The following PTPRM variants were observed in gnomAD, a reference collection of about 807,000 sequenced individuals.
PTPRM encodes receptor-type tyrosine-protein phosphatase mu.
Under a neutral mutation model 186.7 loss-of-function variants are expected in PTPRM, and 47 were observed. The ratio of observed to expected loss-of-function variants is 0.25; its 90% confidence interval spans 0.20 to 0.32. The LOEUF (loss-of-function observed/expected upper bound fraction) is 0.32, where lower values mean the gene tolerates loss of function less well. PTPRM is among the 10% of genes least tolerant of loss of function. PTPRM has a pLI of 1.00. For missense variants in PTPRM, 1,494 were observed against 1,865.0 expected (o/e 0.80, Z 3.66); for synonymous variants, 668 against 674.9 (o/e 0.99, Z 0.16).
At position 8,112,567 on chromosome 18, in the gene PTPRM, G is replaced by A. The variant is rs148861346; in HGVS notation, c.1857-919G>A. On this transcript the variant is annotated intron_variant, in intron 11 of 32. Coordinates refer to ENST00000580170, the MANE Select transcript of PTPRM (RefSeq NM_001105244.2). ...AATCTGGACTCAGTTCAGGGAAGCT[G>A]TTGTCAGGCTTTAGTTTTTCTCAGC... is the stretch of plus-strand genomic sequence containing the variant. Among the ~76,000 whole-genome samples, 555 of 152,322 alleles carry A rather than the reference G, an allele frequency of 3.6e-3. 3 individuals carry two copies. Among genetic ancestry groups the A allele is most frequent in the African/African-American group, 0.012 (514 of 41,576 alleles).
Position 7,966,694 on chromosome 18 carries a change from C to A in PTPRM, c.1132+11280C>A, listed in dbSNP as rs576188559. Among the ~76,000 whole-genome samples, 198 of 147,504 alleles carry A rather than the reference C, an allele frequency of 1.3e-3. 1 individual carries two copies. Among genetic ancestry groups the A allele is most frequent in the African/African-American group, 4.7e-3 (191 of 40,752 alleles). On this transcript the variant is annotated intron_variant, in intron 7 of 32. Coordinates refer to ENST00000580170, the MANE Select transcript of PTPRM (RefSeq NM_001105244.2). ...CTTTCCGAGTCAAAGAAAGGGGTGA[C>A]GGGCGCACCTGGAAAATCGGGTCAC...
At chr18:7,783,277 C>A (rs1399134978) in intron 2 of PTPRM, among the ~76,000 whole-genome samples, 2 of 152,144 alleles carry the variant, frequency 1.3e-5, no homozygotes, top group East Asian at 3.9e-4. Context: ...GCTCTCACAG[C>A]CTGTGTGTTC....
chr18:7,880,766 A>C (rs2048466236), intron 2 of PTPRM, among the ~76,000 whole-genome samples: 1 of 152,142 alleles, frequency 6.6e-6, no homozygotes, highest in African/African-American at 2.4e-5. Flanking sequence ...CTGTGTCAGT[A>C]CTGACTGAGG....
At chr18:8,021,541 C>G (rs1017165332) in intron 7 of PTPRM, among the ~76,000 whole-genome samples, 39 of 151,984 alleles carry the variant, frequency 2.6e-4, no homozygotes, top group African/African-American at 8.9e-4. Flanking sequence ...CTCGAAAGGC[C>G]CTGGTGTGTG....
At chr18:7,856,900 CTGACTTATAAA>C (rs1384189592) in intron 2 of PTPRM, among the ~76,000 whole-genome samples, 3 of 152,190 alleles carry the variant, frequency 2.0e-5, no homozygotes, top group Non-Finnish European at 2.9e-5. Context: ...TCAAAAACAT[CTGACTTATAAA>C]TGACTCACAG....
intron 2 of PTPRM, among the ~76,000 whole-genome samples, chr18:7,868,589 C>T (rs573415957): frequency 2.5e-4 from 38 of 152,292 alleles, no homozygotes; most frequent in Middle Eastern, 3.4e-3. Flanking sequence ...CAGAGGGGCA[C>T]CTACCAGATA....
Position 8,384,682 on chromosome 18 carries a change from C to A in PTPRM, c.4040C>A (p.Ala1347Asp). 1.2e-6 allele frequency: 2 copies of A among 1,614,072 alleles called. No homozygotes were observed. Among genetic ancestry groups the A allele is most frequent in the Non-Finnish European group, 1.7e-6 (2 of 1,180,002 alleles). The part of the protein sequence containing the change: ...ISRIFRIYNA[A>D]RPQDGYRMVQ... ...AGGATATTCCGCATTTACAATGCCG[C>A]CAGAGTAAGAGACGGGCCTGTCATG... is the stretch of plus-strand genomic sequence containing the variant. The change falls in exon 30 of 33, where the codon GCC becomes GAC. Residue 1347 changes from alanine (A) to aspartate (D), a missense_variant. Physicochemically the swap from Ala to Asp is moderately radical, Grantham distance 126. Coordinates refer to ENST00000580170, the MANE Select transcript of PTPRM (RefSeq NM_001105244.2).
intron 19 of PTPRM, among the ~76,000 whole-genome samples, chr18:8,257,695 C>G (rs2094587225): frequency 6.6e-6 from 1 of 152,210 alleles, no homozygotes; most frequent in Non-Finnish European, 1.5e-5. Flanking sequence ...CTGGTTGTTG[C>G]TGTGACTCTG....
chr18:7,813,962 C>A (rs1335101109), intron 2 of PTPRM, among the ~76,000 whole-genome samples: 1 of 151,902 alleles, frequency 6.6e-6, no homozygotes, highest in Non-Finnish European at 1.5e-5. Flanking sequence ...ATTTTCAGAC[C>A]CCTTTTAAAA....
chr18:7,985,064 ATTG>A (rs2082837724), intron 7 of PTPRM, among the ~76,000 whole-genome samples: 1 of 123,922 alleles, frequency 8.1e-6, no homozygotes, highest in South Asian at 2.4e-4. Flanking sequence ...TATACATATA[ATTG>A]TATATACATA....
chr18:7,768,118 C>T (rs1464438946), intron 1 of PTPRM, among the ~76,000 whole-genome samples: 1 of 152,172 alleles, frequency 6.6e-6, no homozygotes, highest in African/African-American at 2.4e-5. Flanking sequence ...AGCAGATTTT[C>T]TACTCTGCCT....
intron 4 of PTPRM, among the ~76,000 whole-genome samples, chr18:7,925,637 G>A (rs972549799): frequency 5.3e-5 from 8 of 152,096 alleles, no homozygotes; most frequent in African/African-American, 1.9e-4. Flanking sequence ...AGATTTATCT[G>A]TCTCTCCCAG....
chr18:8,404,695 G>A (rs1351623629), intron 32 of PTPRM: 1 of 152,242 alleles, frequency 6.6e-6, no homozygotes, highest in Non-Finnish European at 1.5e-5. Flanking sequence ...GTGATGGGTA[G>A]AGACAGTGGT....
chr18:8,155,798 TC>T (rs1009786603), intron 14 of PTPRM, among the ~76,000 whole-genome samples: 109 of 152,350 alleles, frequency 7.2e-4, no homozygotes, highest in African/African-American at 2.6e-3. Context: ...TGAGGTAGTT[TC>T]TTTCCACTGT....
intron 31 of PTPRM, among the ~76,000 whole-genome samples, chr18:8,392,855 A>G (rs769849730): frequency 2.6e-5 from 4 of 152,226 alleles, no homozygotes; most frequent in Non-Finnish European, 4.4e-5. Context: ...ATTTTAGCTG[A>G]TAGAATAAAA....
intron 2 of PTPRM, among the ~76,000 whole-genome samples, chr18:7,837,309 T>C (rs1195466739): frequency 6.6e-6 from 1 of 152,228 alleles, no homozygotes; most frequent in Non-Finnish European, 1.5e-5. Context: ...ACTCATACAT[T>C]CTTCAGTATG....
intron 1 of PTPRM, among the ~76,000 whole-genome samples, chr18:7,724,394 G>A (rs754635140): frequency 1.3e-5 from 2 of 152,114 alleles, no homozygotes; most frequent in Non-Finnish European, 2.9e-5. Context: ...CATGGACCTA[G>A]TAAAACCTGA....
At chr18:8,061,283 G>T in intron 7 of PTPRM, among the ~76,000 whole-genome samples, 1 of 81,088 alleles carries the variant, frequency 1.2e-5, no homozygotes, top group Non-Finnish European at 2.5e-5. Context: ...TGCAACCCCT[G>T]CCTTTTTTTG....
intron 13 of PTPRM, among the ~76,000 whole-genome samples, chr18:8,130,113 T>C (rs2092466220): frequency 6.6e-6 from 1 of 152,210 alleles, no homozygotes; most frequent in Admixed American, 6.5e-5. Context: ...CTTTTCTACT[T>C]TTAGGATTGC....
Sources: gnomAD v4.1 joint callset for allele counts (sites outside exome capture counted in the v4.1 genomes callset) on GRCh38, gnomAD v4.1.1 for gene constraint, MANE v1.5 for transcripts, NCBI Gene and HGNC (gene_info 2026-07-23, HGNC 2026-07-21) for gene names.